The following STRADA variants were observed in gnomAD, a reference collection of about 807,000 sequenced individuals.
STRADA encodes the protein STE20-related kinase adapter protein alpha.
In STRADA, 26 loss-of-function variants were observed where a neutral mutation model predicts 55.0. The observed-to-expected ratio is 0.47, with a 90% CI of 0.35 to 0.66. The LOEUF (loss-of-function observed/expected upper bound fraction) is 0.66. Ranked by LOEUF, STRADA falls within the 30% of genes least tolerant of loss-of-function variation. The pLI is 0.01. For missense variants in STRADA, 443 were observed against 549.7 expected (o/e 0.81, Z 1.94); for synonymous variants, 197 against 210.9 (o/e 0.93, Z 0.57).
At chr17:63,717,480 TTTATTTA>T (rs1215344349) in intron 4 of STRADA, among the ~76,000 whole-genome samples, 1 of 149,002 alleles carries the variant, frequency 6.7e-6, no homozygotes, top group African/African-American at 2.5e-5. Flanking sequence ...GCTAAGTTTA[TTTATTTA>T]TTTATTTATT....
Position 63,703,750 on chromosome 17 carries a change from A to T in STRADA, c.1145T>A (p.Ile382Asn). 6.2e-7 allele frequency: 1 copy of T among 1,613,950 alleles called. No homozygotes were observed. The highest frequency in any genetic ancestry group is 1.6e-4 in the Middle Eastern group (1 of 6,062). Reference protein sequence around the residue: ...TLLNHSFFKQIKRRASEALPE... With the variant: ...TLLNHSFFKQNKRRASEALPE... ...CAAAGCCTCTGAGGCACGTCGCTTG[A>T]TCTGGGGGAGAAGAGAGAGGTGGGT... The change falls in exon 13 of 13, where the codon ATC becomes AAC. Residue 382 changes from isoleucine (I) to asparagine (N), a missense_variant and splice_region_variant. Ile to Asn is a moderately radical substitution (Grantham distance 149). Coordinates refer to ENST00000336174, the MANE Select transcript of STRADA (RefSeq NM_001003787.4).
At chr17:63,735,596 T>G (rs2038364577) in intron 1 of STRADA, among the ~76,000 whole-genome samples, 1 of 152,162 alleles carries the variant, frequency 6.6e-6, no homozygotes, top group Non-Finnish European at 1.5e-5. Flanking sequence ...TCTCCCAAGG[T>G]CCCAATTAAG....
rs758241972 is a variant in STRADA, at chr17:63,704,379, G to A, written c.1062C>T (p.His354=). The A allele has an allele frequency of 2.5e-6, 4 of 1,612,878 alleles. No homozygotes were observed. The highest frequency in any genetic ancestry group is 3.4e-6 in the Non-Finnish European group (4 of 1,179,712). Residue 354 remains histidine, a synonymous_variant, in exon 11 of 13, where the codon CAC becomes CAT. Coordinates refer to ENST00000336174, the MANE Select transcript of STRADA (RefSeq NM_001003787.4). ...YHRTFSPHFH[H]FVEQCLQRNP... is the part of the protein sequence containing the mutation. ...TGCGCTGAAGGCACTGCTCCACAAAGTGGTGGAAGTGGGGGGAGAAGGTTC... is the reference window on the plus strand; with the variant it reads ...TGCGCTGAAGGCACTGCTCCACAAAATGGTGGAAGTGGGGGGAGAAGGTTC...
rs183175409 is a variant in STRADA at position 63,717,409 on chromosome 17, A to T, written c.124-3301T>A. ...TATAGCCTCTGCCTTTTGGGTTTAA[A>T]CGATTCTCCTGCCTCAGCCTTATAA... On this transcript the variant is annotated intron_variant, in intron 4 of 12. Coordinates refer to ENST00000336174, the MANE Select transcript of STRADA (RefSeq NM_001003787.4). Among the ~76,000 whole-genome samples, 233 of 151,916 alleles carry T rather than the reference A, an allele frequency of 1.5e-3. 1 individual carries two copies. The highest frequency in any genetic ancestry group is 2.0e-3 in the Non-Finnish European group (133 of 67,934).
chr17:63,732,617 G>A (rs990223779), intron 1 of STRADA, among the ~76,000 whole-genome samples: 8 of 152,136 alleles, frequency 5.3e-5, no homozygotes, highest in South Asian at 4.1e-4. Flanking sequence ...GCAACATGGC[G>A]AAAGCCCATC....
chr17:63,726,730 CT>C, intron 2 of STRADA, 35 bp from the exon 3 acceptor site: 2 of 1,610,312 alleles, frequency 1.2e-6, no homozygotes, highest in South Asian at 2.2e-5. Flanking sequence ...ATTAGTATTT[CT>C]TCCAAGCCGC....
intron 4 of STRADA, among the ~76,000 whole-genome samples, chr17:63,722,036 G>C (rs1429129546): frequency 6.6e-6 from 1 of 152,180 alleles, no homozygotes; most frequent in Non-Finnish European, 1.5e-5. Context: ...TTCAGTTTTA[G>C]AACAGGTCTA....
At chr17:63,720,019 TTC>T (rs1371795257) in intron 4 of STRADA, among the ~76,000 whole-genome samples, 2 of 151,852 alleles carry the variant, frequency 1.3e-5, no homozygotes, top group African/African-American at 2.4e-5. Flanking sequence ...GAAAATAAAA[TTC>T]TTTTTCTTTT....
chr17:63,730,788 T>C (rs1316535326), intron 1 of STRADA, among the ~76,000 whole-genome samples: 1 of 152,048 alleles, frequency 6.6e-6, no homozygotes, highest in East Asian at 1.9e-4. Context: ...CTCGAACCCT[T>C]GATCTCAGGT....
At chr17:63,705,031 C>A (rs940346833) in intron 10 of STRADA, 47 of 980,400 alleles carry the variant, frequency 4.8e-5, no homozygotes, top group Non-Finnish European at 7.3e-5. Flanking sequence ...GTCGCTGCAG[C>A]AGGCCACACG....
intron 11 of STRADA, 123 bp from the exon 12 acceptor site, chr17:63,704,170 G>A (rs2143716066): frequency 6.6e-7 from 1 of 1,524,022 alleles, no homozygotes; most frequent in Non-Finnish European, 8.8e-7. Flanking sequence ...GGGAAGCAGT[G>A]GCCAGAGCTC....
Position 63,704,574 on chromosome 17 carries a change from T to C in STRADA, c.867A>G (p.Leu289=). 7.4e-7 allele frequency: 1 copy of C among 1,348,776 alleles called. No homozygotes were observed. Among genetic ancestry groups the C allele is most frequent in the Non-Finnish European group, 9.7e-7 (1 of 1,034,510 alleles). The allele number at this position is 1,348,776 out of a possible 1,614,324, so 83.6% of individuals were successfully genotyped here. Residue 289 remains leucine (L), a synonymous_variant, in exon 11 of 13, where the codon CTA becomes CTG. Coordinates refer to ENST00000336174, the MANE Select transcript of STRADA (RefSeq NM_001003787.4). ...AGGGCACTGTGCCGTTCAGTTTCTC[T>C]AGCAGCATCTGGGGAGGACAGAACC... is the stretch of plus-strand genomic sequence containing the variant. ...FKDMPATQML[L]EKLNGTVPCL...
Position 63,713,490 on chromosome 17 carries a change from T to A in STRADA, c.264A>T (p.Ala88=). Residue 88 remains alanine (A), a synonymous_variant, in exon 6 of 13, where the codon GCA becomes GCT. Coordinates refer to ENST00000336174, the MANE Select transcript of STRADA (RefSeq NM_001003787.4). ...CGTACTCTCCTGTTGGTTTGTACCT[T>A]GCTAGATTCACAGTCATCAGGTCCT... ...GFEDLMTVNL[A]RYKPTGEYVT... is the part of the protein sequence containing the mutation. 6.2e-7 allele frequency: 1 copy of A among 1,614,232 alleles called. No homozygotes were observed. Among genetic ancestry groups the A allele is most frequent in the Non-Finnish European group, 8.5e-7 (1 of 1,180,042 alleles).
intron 9 of STRADA, 104 bp from the exon 10 acceptor site, chr17:63,706,843 C>G: frequency 1.2e-6 from 1 of 843,960 alleles, no homozygotes; most frequent in Non-Finnish European, 1.9e-6. Flanking sequence ...CACATCAGGA[C>G]CTGCTGCTAA....
intron 1 of STRADA, among the ~76,000 whole-genome samples, chr17:63,736,354 G>A (rs1029906111): frequency 2.6e-5 from 4 of 152,066 alleles, no homozygotes; most frequent in Admixed American, 6.5e-5. Context: ...CCAGCCGGGC[G>A]CGGTGGCTCA....
At chr17:63,707,146 C>G (rs865977639) in intron 9 of STRADA, 101 bp downstream of exon 9, 11 of 1,478,360 alleles carry the variant, frequency 7.4e-6, no homozygotes, top group Non-Finnish European at 8.3e-6. Context: ...ACCCCTTTAC[C>G]CCACTGGGAG....
chr17:63,713,468 A>T lies in STRADA; in HGVS notation c.286T>A (p.Tyr96Asn), dbSNP rs2036641612. The change falls in exon 6 of 13, where the codon TAC (tyrosine) becomes AAC (asparagine). Residue 96 changes from tyrosine (Y) to asparagine (N), a missense_variant. By Grantham distance (143) the Tyr-to-Asn change is moderately radical. Coordinates refer to ENST00000336174, the MANE Select transcript of STRADA (RefSeq NM_001003787.4). ...NLARYKPTGE[Y>N]VTVRRINLEA... ...AGGTTAATCCTCCGTACAGTCACGT[A>T]CTCTCCTGTTGGTTTGTACCTTGCT... is the stretch of plus-strand genomic sequence containing the variant. 7.4e-6 allele frequency: 12 copies of T among 1,613,910 alleles called. No homozygotes were observed. Among genetic ancestry groups the T allele is most frequent in the Non-Finnish European group, 1.0e-5 (12 of 1,180,014 alleles).
intron 8 of STRADA, 97 bp downstream of exon 8, chr17:63,710,394 T>C: frequency 6.4e-7 from 1 of 1,557,650 alleles, no homozygotes; most frequent in African/African-American, 1.4e-5. Flanking sequence ...GATTTTAAAC[T>C]CTGGCTTCAT....
intron 1 of STRADA, among the ~76,000 whole-genome samples, chr17:63,735,260 A>T (rs2038337649): frequency 6.6e-6 from 1 of 152,256 alleles, no homozygotes; most frequent in African/African-American, 2.4e-5. Flanking sequence ...AGTAACCTGA[A>T]GTCAGAGATT....
Sources: allele counts gnomAD v4.1 joint callset (sites outside exome capture counted in the v4.1 genomes callset), GRCh38; gene constraint gnomAD v4.1.1; transcripts MANE v1.5; gene names NCBI Gene and HGNC (gene_info 2026-07-23, HGNC 2026-07-21).